Variants in RAI1 observed in about 807,000 individuals in gnomAD.
RAI1 encodes retinoic acid-induced protein 1.
RAI1 carries 9 observed loss-of-function variants against 123.8 expected under a neutral mutation model. The observed-to-expected ratio is 0.07, with a 90% confidence interval of 0.04 to 0.13. The LOEUF (loss-of-function observed/expected upper bound fraction) is 0.13, where lower values mean the gene tolerates loss of function less well. Ranked by LOEUF, RAI1 falls within the 10% of genes least tolerant of loss-of-function variation. The pLI is 1.00. For synonymous variants in RAI1, 1,231 were observed against 1,127.3 expected (o/e 1.09, Z -1.84); for missense variants, 2,256 against 2,545.8 (o/e 0.89, Z 2.45).
At chr17:17,754,976 A>G (rs1158125560) in intron 2 of RAI1, among the ~76,000 whole-genome samples, 2 of 152,248 alleles carry the variant, frequency 1.3e-5, no homozygotes, top group Admixed American at 1.3e-4. Context: ...GGCTTTATGA[A>G]CACAGGCTTT....
intron 1 of RAI1, among the ~76,000 whole-genome samples, chr17:17,699,557 G>A (rs796696811): frequency 8.1e-5 from 12 of 148,762 alleles, no homozygotes; most frequent in African/African-American, 3.0e-4. Flanking sequence ...GGACTGAGAT[G>A]GCAAAGTGGT....
chr17:17,798,518 G>A lies in RAI1; in HGVS notation c.5565+5G>A. 6.3e-7 allele frequency: 1 copy of A among 1,599,514 alleles called. No homozygotes were observed. The highest frequency in any genetic ancestry group is 8.5e-7 in the Non-Finnish European group (1 of 1,179,838). ...ATGAAGGTGGCCGTGGACATGGTAA[G>A]AGGCCAGCCCAGCCAGGGTGGGGAG... On this transcript the variant is annotated splice_donor_5th_base_variant and intron_variant, in intron 3 of 5. Coordinates refer to ENST00000353383, the MANE Select transcript of RAI1 (RefSeq NM_030665.4).
Position 17,809,917 on chromosome 17 carries a change from T to C in RAI1, c.5710-53T>C. 1.3e-6 allele frequency: 2 copies of C among 1,554,064 alleles called. No individual in the cohort carries two copies. The highest frequency in any genetic ancestry group is 2.4e-5 in the East Asian group (1 of 41,504). On this transcript the variant is annotated intron_variant, in intron 5 of 5. Coordinates refer to ENST00000353383, the MANE Select transcript of RAI1 (RefSeq NM_030665.4). This position sits in a 1 kb window ranked among gnomAD's most constrained non-coding sequence, Gnocchi z 4.9. ...GGGCCCACACTGGGGGCGGGGCCTATGGACTGTGAAGTCCGAGGTCGTCGG... is the reference window on the plus strand; with the variant it reads ...GGGCCCACACTGGGGGCGGGGCCTACGGACTGTGAAGTCCGAGGTCGTCGG...
intron 1 of RAI1, among the ~76,000 whole-genome samples, chr17:17,693,700 G>A (rs1324888077): frequency 5.3e-5 from 8 of 152,240 alleles, no homozygotes; most frequent in Admixed American, 5.2e-4. Flanking sequence ...GGATCCAGGG[G>A]GAGCAGCAGA....
chr17:17,757,379 G>A (rs1011132285), intron 2 of RAI1, among the ~76,000 whole-genome samples: 2 of 152,194 alleles, frequency 1.3e-5, no homozygotes, highest in African/African-American at 4.8e-5. Context: ...GCGGCAGGAT[G>A]TGAGCACAGA....
chr17:17,723,793 A>G (rs1567850047), intron 1 of RAI1, among the ~76,000 whole-genome samples: 2 of 148,906 alleles, frequency 1.3e-5, no homozygotes, highest in South Asian at 4.4e-4. Context: ...CCGCGCCAGC[A>G]TCGCGCTTAC....
intron 2 of RAI1, among the ~76,000 whole-genome samples, chr17:17,745,458 C>T (rs1160039510): frequency 6.6e-6 from 1 of 151,606 alleles, no homozygotes; most frequent in Non-Finnish European, 1.5e-5. Context: ...TTTTTTGAGA[C>T]AGGGTCTGTT....
In RAI1 at chr17:17,794,853, C is replaced by T; in HGVS notation, c.1905C>T (p.Asp635=). ...AWAEAPSLVK[D]SSKPPFSLEN... ...CTGAAGCACCCAGCCTGGTCAAGGA[C>T]AGCAGCAAGCCACCCTTCTCGCTGG... The change falls in exon 3 of 6, where the codon GAC becomes GAT. Residue 635 remains aspartate, a synonymous_variant. Coordinates refer to ENST00000353383, the MANE Select transcript of RAI1 (RefSeq NM_030665.4). 6.2e-7 allele frequency: 1 copy of T among 1,613,310 alleles called. No homozygotes were observed. The highest frequency in any genetic ancestry group is 8.5e-7 in the Non-Finnish European group (1 of 1,179,988).
At chr17:17,723,822 G>C (rs1915975622) in intron 1 of RAI1, among the ~76,000 whole-genome samples, 1 of 150,160 alleles carries the variant, frequency 6.7e-6, no homozygotes, top group East Asian at 2.0e-4. Flanking sequence ...TGCGGCCACG[G>C]GGCCGTCTCT....
In RAI1 at chr17:17,739,525, C is replaced by T. The variant is rs766079988; in HGVS notation, c.-17+15366C>T. Among the ~76,000 whole-genome samples, 77 of 152,342 alleles carry T rather than the reference C, an allele frequency of 5.1e-4. 1 individual carries two copies. The highest frequency in any genetic ancestry group is 9.1e-4 in the Admixed American group (14 of 15,310). ...AGCCAGGGGTCAGGGAGCCTTTGGC[C>T]GTAAGGCCTGGGATGCCTGCTGCTT... is the stretch of plus-strand genomic sequence containing the variant. On this transcript the variant is annotated intron_variant, in intron 2 of 5. Coordinates refer to ENST00000353383, the MANE Select transcript of RAI1 (RefSeq NM_030665.4).
rs755395511 is a variant in RAI1 at position 17,798,236 on chromosome 17, C to T, written c.5288C>T (p.Pro1763Leu). 2.3e-5 allele frequency: 37 copies of T among 1,609,854 alleles called. No individual in the cohort carries two copies. Among genetic ancestry groups the T allele is most frequent in the Admixed American group, 3.4e-5 (2 of 59,678 alleles). ...KPPRPDGPAD[P>L]AKQGPLRTSA... ...CCCAGGCCTGACGGCCCAGCTGACC[C>T]GGCCAAGCAGGGCCCACTGCGCACC... The change falls in exon 3 of 6, where the codon CCG (proline) becomes CTG (leucine). Residue 1763 changes from proline to leucine, a missense_variant. Coordinates refer to ENST00000353383, the MANE Select transcript of RAI1 (RefSeq NM_030665.4).
intron 2 of RAI1, among the ~76,000 whole-genome samples, chr17:17,743,421 A>G (rs1019060791): frequency 3.9e-5 from 6 of 152,294 alleles, no homozygotes; most frequent in Non-Finnish European, 8.8e-5. Flanking sequence ...GTGCCATACT[A>G]TATGCCAGGC....
intron 2 of RAI1, among the ~76,000 whole-genome samples, chr17:17,738,403 G>T (rs1036416299): frequency 2.7e-5 from 4 of 150,552 alleles, no homozygotes; most frequent in Non-Finnish European, 5.9e-5. Flanking sequence ...GGGGCGGGGT[G>T]GGGTGGGCAG....
rs566703039 is a variant in RAI1, at chr17:17,806,038, A to T, written c.5659+2189A>T. 3.9e-5 allele frequency among the ~76,000 whole-genome samples: 6 copies of T among 152,334 alleles called. No individual in the cohort carries two copies. The East Asian group carries it at 1.2e-3, about 29-fold the overall frequency. On this transcript the variant is annotated intron_variant, in intron 4 of 5. Coordinates refer to ENST00000353383, the MANE Select transcript of RAI1 (RefSeq NM_030665.4). ...TGTCCTATGTTCTTTCTCCTACCCCAGCACTGCCCAGCCCCCCAAGGGGCT... is the reference window on the plus strand; with the variant it reads ...TGTCCTATGTTCTTTCTCCTACCCCTGCACTGCCCAGCCCCCCAAGGGGCT...
Position 17,810,074 on chromosome 17 carries a change from G to A in RAI1, c.*93G>A. 6.7e-7 allele frequency: 1 copy of A among 1,496,998 alleles called. No individual in the cohort carries two copies. The highest frequency in any genetic ancestry group is 9.0e-7 in the Non-Finnish European group (1 of 1,112,908). The allele number at this position is 1,496,998 out of a possible 1,614,324, so 92.7% of individuals were successfully genotyped here. The stretch of plus-strand genomic sequence containing the variant: ...CCGCCTGCGCAGCCCCCGGGCCTTT[G>A]AGCTGCTCCCAGCGCTGGTCCAGAG... On this transcript the variant is annotated 3_prime_UTR_variant, in exon 6 of 6. Coordinates refer to ENST00000353383, the MANE Select transcript of RAI1 (RefSeq NM_030665.4). The surrounding 1 kb of genome is among the most constrained non-coding windows in gnomAD (Gnocchi z 4.6).
chr17:17,762,025 C>T (rs1270839214), intron 2 of RAI1, among the ~76,000 whole-genome samples: 1 of 152,162 alleles, frequency 6.6e-6, no homozygotes, highest in East Asian at 1.9e-4. Flanking sequence ...AGGCCTCATC[C>T]CTGCACTGGG....
chr17:17,704,658 G>C (rs1184196695), intron 1 of RAI1, among the ~76,000 whole-genome samples: 1 of 152,150 alleles, frequency 6.6e-6, no homozygotes, highest in Non-Finnish European at 1.5e-5. Context: ...CTGACATCAG[G>C]ACGTTACCAT....
chr17:17,781,012 GCC>G (rs2031558377), intron 2 of RAI1, among the ~76,000 whole-genome samples: 2 of 152,138 alleles, frequency 1.3e-5, no homozygotes, highest in Admixed American at 6.5e-5. Flanking sequence ...CTAGGAACCT[GCC>G]AGGCTTCTTA....
In RAI1 at chr17:17,810,127, T is replaced by C. The variant is rs1021357832; in HGVS notation, c.*146T>C. The stretch of plus-strand genomic sequence containing the variant: ...GATCCTTGATCCGGGTCCCGGATCG[T>C]GGATCCGGCCGCCTAGGGCTCAGAC... On this transcript the variant is annotated 3_prime_UTR_variant, in exon 6 of 6. Transcript: ENST00000353383. The surrounding 1 kb of genome is among the most constrained non-coding windows in gnomAD (Gnocchi z 4.6). 4.3e-6 allele frequency: 5 copies of C among 1,171,146 alleles called. No homozygotes were observed. In the African/African-American group the frequency reaches 4.8e-5, roughly 11 times the overall value. 72.5% of individuals were successfully genotyped at this position (1,171,146 alleles called of 1,614,324 possible).
Sources: gnomAD v4.1 joint callset for allele counts (sites outside exome capture counted in the v4.1 genomes callset) on GRCh38, gnomAD v4.1.1 for gene constraint, Gnocchi (gnomAD v3.1) non-coding constraint, MANE v1.5 for transcripts, NCBI Gene and HGNC (gene_info 2026-07-23, HGNC 2026-07-21) for gene names.